Variants in SYNDIG1 observed in about 807,000 individuals in gnomAD.
SYNDIG1 encodes the protein synapse differentiation inducing 1.
Under a neutral mutation model 19.4 loss-of-function variants are expected in SYNDIG1, and 9 were observed. The observed-to-expected ratio is 0.46, with a 90% CI of 0.28 to 0.81. SYNDIG1 has a LOEUF of 0.81. Ranked by LOEUF, SYNDIG1 falls within the 30% of genes least tolerant of loss-of-function variation. The probability of loss-of-function intolerance (pLI) is 0.12; values close to 1 mark genes in which losing one functional copy is unlikely to be tolerated. For synonymous variants in SYNDIG1, 141 were observed against 145.9 expected, an observed-to-expected ratio of 0.97 and a Z score of 0.24; for missense variants, 311 against 343.3, an observed-to-expected ratio of 0.91 and a Z score of 0.74.
chr20:24,621,144 A>G (rs1348637015), intron 3 of SYNDIG1, among the ~76,000 whole-genome samples: 1 of 152,254 alleles, frequency 6.6e-6, no homozygotes, highest in African/African-American at 2.4e-5. Context: ...TATTCCATCA[A>G]ATATCTGCAG....
intron 3 of SYNDIG1, among the ~76,000 whole-genome samples, chr20:24,615,822 C>T (rs998522931): frequency 1.3e-5 from 2 of 148,982 alleles, no homozygotes; most frequent in Non-Finnish European, 3.0e-5. Context: ...CTCCCCTCCC[C>T]GCCCCACCTC....
intron 3 of SYNDIG1, among the ~76,000 whole-genome samples, chr20:24,617,935 G>A (rs1306638009): frequency 3.4e-5 from 5 of 147,264 alleles, no homozygotes; most frequent in South Asian, 2.2e-4. Context: ...AGCCCGGGGA[G>A]TGGGGAGAGC....
chr20:24,593,519 A>G (rs1204367391), intron 3 of SYNDIG1, among the ~76,000 whole-genome samples: 1 of 152,170 alleles, frequency 6.6e-6, no homozygotes, highest in African/African-American at 2.4e-5. Flanking sequence ...ATGTCTTTAT[A>G]GTAGAATGAT....
intron 1 of SYNDIG1, among the ~76,000 whole-genome samples, chr20:24,524,340 C>T (rs917597026): frequency 1.6e-4 from 24 of 152,186 alleles, no homozygotes; most frequent in African/African-American, 4.8e-4. Context: ...TCTACTGTTA[C>T]GCTTTAAAAT....
intron 1 of SYNDIG1, among the ~76,000 whole-genome samples, chr20:24,514,200 G>C (rs1389986769): frequency 1.3e-5 from 2 of 152,296 alleles, no homozygotes; most frequent in East Asian, 3.9e-4. Context: ...TTGATGCTAG[G>C]AAGAAACTGC....
At chr20:24,523,783 C>G (rs2057057417) in intron 1 of SYNDIG1, among the ~76,000 whole-genome samples, 1 of 152,212 alleles carries the variant, frequency 6.6e-6, no homozygotes, top group South Asian at 2.1e-4. Flanking sequence ...CTGTGCCTTC[C>G]TCACAGCATC....
At chr20:24,539,493 A>G (rs963011897) in intron 1 of SYNDIG1, among the ~76,000 whole-genome samples, 4 of 152,168 alleles carry the variant, frequency 2.6e-5, no homozygotes, top group African/African-American at 9.7e-5. Context: ...TTTTGATTCT[A>G]GTGCCATTGT....
At chr20:24,518,136 C>G (rs1279832098) in intron 1 of SYNDIG1, among the ~76,000 whole-genome samples, 2 of 151,974 alleles carry the variant, frequency 1.3e-5, no homozygotes, top group Non-Finnish European at 2.9e-5. Flanking sequence ...AATAGAAACA[C>G]ACTTATAGTC....
intron 1 of SYNDIG1, among the ~76,000 whole-genome samples, chr20:24,523,617 G>C (rs1248342993): frequency 6.6e-6 from 1 of 152,116 alleles, no homozygotes; most frequent in African/African-American, 2.4e-5. Flanking sequence ...CAGGTCAAAC[G>C]GATTCTGTCT....
rs895644553 is a variant in SYNDIG1 at position 24,572,373 on chromosome 20, C to T, written c.481-12483C>T. Among the ~76,000 whole-genome samples the T allele has an allele frequency of 4.6e-5, 7 of 152,224 alleles. No individual in the cohort carries two copies. The East Asian group carries it at 1.2e-3, about 25-fold the overall frequency. ...CTCAGAGAGACTGGGCGGGAGGCTC[C>T]TGGAATCACCTGAACTCAGGGTTCT... On this transcript the variant is annotated intron_variant, in intron 2 of 3. Coordinates refer to ENST00000376862, the MANE Select transcript of SYNDIG1 (RefSeq NM_024893.3).
intron 1 of SYNDIG1, among the ~76,000 whole-genome samples, chr20:24,499,005 A>G (rs1053851274): frequency 7.3e-5 from 11 of 151,688 alleles, no homozygotes; most frequent in Admixed American, 2.0e-4. Context: ...AGTAGGCACT[A>G]GTTTCTCCTG....
intron 2 of SYNDIG1, among the ~76,000 whole-genome samples, chr20:24,580,419 T>TTTGA (rs2058302563): frequency 1.3e-5 from 2 of 152,078 alleles, no homozygotes; most frequent in Admixed American, 1.3e-4. Flanking sequence ...TGTTTGTTTG[T>TTTGA]TTGATTTTTG....
chr20:24,661,927 G>T (rs530424319), intron 3 of SYNDIG1, among the ~76,000 whole-genome samples: 1 of 152,138 alleles, frequency 6.6e-6, no homozygotes, highest in African/African-American at 2.4e-5. Flanking sequence ...AATTGCTGGT[G>T]GGTTTCAGCA....
chr20:24,601,160 C>A (rs777701257), intron 3 of SYNDIG1, among the ~76,000 whole-genome samples: 33 of 152,164 alleles, frequency 2.2e-4, no homozygotes, highest in Admixed American at 1.1e-3. Flanking sequence ...AAATGTTAAA[C>A]CAACCTTGCA....
At chr20:24,501,784 C>G (rs1568589216) in intron 1 of SYNDIG1, among the ~76,000 whole-genome samples, 1 of 152,216 alleles carries the variant, frequency 6.6e-6, no homozygotes, top group Non-Finnish European at 1.5e-5. Flanking sequence ...AAAGAAGCAC[C>G]CACTTGTGGT....
intron 2 of SYNDIG1, among the ~76,000 whole-genome samples, chr20:24,547,649 C>G (rs2057607043): frequency 6.6e-6 from 1 of 152,178 alleles, no homozygotes; most frequent in Non-Finnish European, 1.5e-5. Context: ...TGATGTCCGA[C>G]AGCCCAGGCC....
chr20:24,567,255 C>T (rs1040181583), intron 2 of SYNDIG1, among the ~76,000 whole-genome samples: 2 of 152,188 alleles, frequency 1.3e-5, no homozygotes, highest in Non-Finnish European at 2.9e-5. Context: ...GTTCAAATCC[C>T]AGGTTCCACA....
intron 1 of SYNDIG1, among the ~76,000 whole-genome samples, chr20:24,510,575 A>G (rs1252376947): frequency 6.6e-6 from 1 of 151,916 alleles, no homozygotes; most frequent in Non-Finnish European, 1.5e-5. Context: ...ATCTCAAAAA[A>G]AAAAAAAAAA....
chr20:24,584,751 G>A (rs917134001), intron 2 of SYNDIG1, 105 bp from the exon 3 acceptor site: 7 of 1,517,422 alleles, frequency 4.6e-6, no homozygotes, highest in Admixed American at 3.6e-5. Context: ...TGCCTCCCGG[G>A]GAGGGCCTGC....
Sources: gnomAD v4.1 joint callset for allele counts (sites outside exome capture counted in the v4.1 genomes callset) on GRCh38, gnomAD v4.1.1 for gene constraint, MANE v1.5 for transcripts, NCBI Gene and HGNC (gene_info 2026-07-23, HGNC 2026-07-21) for gene names.